The following MSH5 variants were observed in gnomAD, a reference collection of about 807,000 sequenced individuals.
MSH5 encodes the protein mutS protein homolog 5.
Under a neutral mutation model 107.7 loss-of-function variants are expected in MSH5, and 78 were observed. That is an observed-to-expected ratio of 0.72 (90% confidence interval 0.60 to 0.87). The LOEUF (loss-of-function observed/expected upper bound fraction) is 0.87, where lower values mean the gene tolerates loss of function less well. MSH5 is among the 40% of genes least tolerant of loss of function. The pLI is 0.00. For missense variants in MSH5, 889 were observed against 1,046.6 expected (o/e 0.85, Z 2.08); for synonymous variants, 326 against 399.5 (o/e 0.82, Z 2.19).
At position 31,742,939 on chromosome 6, in the gene MSH5, C is replaced by T. The variant is rs1025328818; in HGVS notation, c.334C>T (p.Arg112Ter). 29 of 1,612,840 alleles carry T rather than the reference C, an allele frequency of 1.8e-5. No individual in the cohort carries two copies. Among genetic ancestry groups the T allele is most frequent in the Non-Finnish European group, 2.3e-5 (27 of 1,179,998 alleles). The part of the protein sequence containing the change: ...TSAKQDENMT[R>*]FLGKLASQEH... Reference sequence around the variant, plus strand: ...TGCCAAACAGGATGAGAATATGACTCGATTTCTGGGAAAGCTTGGTAAGGA... The same window carrying T: ...TGCCAAACAGGATGAGAATATGACTTGATTTCTGGGAAAGCTTGGTAAGGA... The change falls in exon 4 of 25, where the codon CGA becomes TGA. Residue 112 changes from arginine to a stop codon, truncating the protein, a stop_gained. Coordinates refer to ENST00000375750, the MANE Select transcript of MSH5 (RefSeq NM_172166.4). LOFTEE classifies it high-confidence loss of function.
rs942940681 is a variant in MSH5, at chr6:31,741,292, G to C, written c.271+6G>C. On this transcript the variant is annotated splice_donor_region_variant and intron_variant, in intron 3 of 24. Coordinates refer to ENST00000375750, the MANE Select transcript of MSH5 (RefSeq NM_172166.4). ...CCTCAAGCTTCTCCAGAGAGGTGGGGATGGAACCATGAATTCCTCTGCTCT... is the reference window on the plus strand; with the variant it reads ...CCTCAAGCTTCTCCAGAGAGGTGGGCATGGAACCATGAATTCCTCTGCTCT... 2.9e-5 allele frequency: 46 copies of C among 1,611,484 alleles called. No individual in the cohort carries two copies. Among genetic ancestry groups the C allele is most frequent in the Non-Finnish European group, 3.0e-5 (35 of 1,179,426 alleles).
chr6:31,759,452 C>T lies in MSH5; in HGVS notation c.1435C>T (p.Arg479Cys), dbSNP rs777634800. Residue 479 changes from arginine (R) to cysteine (C), a missense_variant, in exon 17 of 25, where the codon CGT becomes TGT. Physicochemically the swap from Arg to Cys is radical, Grantham distance 180. Coordinates refer to ENST00000375750, the MANE Select transcript of MSH5 (RefSeq NM_172166.4). This position sits in a 1 kb window ranked among gnomAD's most constrained non-coding sequence, Gnocchi z 4.7. ...MFLSEEKLHY[R>C]SARTKELDAL... The stretch of plus-strand genomic sequence containing the variant: ...TCTCTCAGAGGAGAAGCTGCACTAT[C>T]GTAGTGCCCGAACCAAGGAGCTGGA... 1 of 1,612,698 alleles carries T rather than the reference C, an allele frequency of 6.2e-7. No individual in the cohort carries two copies. The highest frequency in any genetic ancestry group is 8.5e-7 in the Non-Finnish European group (1 of 1,180,004).
At chr6:31,755,192 C>T (rs879916062) in intron 12 of MSH5, among the ~76,000 whole-genome samples, 2 of 151,872 alleles carry the variant, frequency 1.3e-5, no homozygotes, top group Non-Finnish European at 2.9e-5. Context: ...CACTCTGTCA[C>T]CCAGGCTTGA....
chr6:31,751,629 C>T (rs1456885001), intron 10 of MSH5: 1 of 146,656 alleles, frequency 6.8e-6, no homozygotes, highest in Non-Finnish European at 1.5e-5. Context: ...GAGCAAGACT[C>T]TGTCTCAGAA....
Position 31,758,172 on chromosome 6 carries a change from A to G in MSH5, c.1022A>G (p.Tyr341Cys). The change falls in exon 13 of 25, where the codon TAC becomes TGC. Residue 341 changes from tyrosine (Y) to cysteine (C), a missense_variant. By Grantham distance (194) the Tyr-to-Cys change is radical. This residue lies in a region of MSH5 where 518 missense variants were observed against 565.0 expected (regional missense o/e 0.92). Transcript: ENST00000375750. The surrounding 1 kb of genome is among the most constrained non-coding windows in gnomAD (Gnocchi z 5.1). ...SDWQVLYKTV[Y>C]SALGLRDACR... The stretch of plus-strand genomic sequence containing the variant: ...TTTGTGTTTCTCTCACAGACTGTGT[A>G]CAGTGCCCTGGGCCTGAGGGATGCC... 1 of 1,612,984 alleles carries G rather than the reference A, an allele frequency of 6.2e-7. No homozygotes were observed. The highest frequency in any genetic ancestry group is 8.5e-7 in the Non-Finnish European group (1 of 1,180,026).
Position 31,743,962 on chromosome 6 carries a change from C to T in MSH5, c.474C>T (p.Ala158=), listed in dbSNP as rs747523953. 6.8e-6 allele frequency: 11 copies of T among 1,613,882 alleles called. No individual in the cohort carries two copies. In the South Asian group the frequency reaches 1.2e-4, roughly 18 times the overall value. ...LSGNYSFIPD[A]MTATEKILFL... Reference sequence around the variant, plus strand: ...GAAACTACTCCTTCATCCCAGACGCCATGACTGCCACTGAGAAAATCCTCT... The same window carrying T: ...GAAACTACTCCTTCATCCCAGACGCTATGACTGCCACTGAGAAAATCCTCT... The change falls in exon 6 of 25, where the codon GCC becomes GCT. Residue 158 remains alanine, a synonymous_variant. Coordinates refer to ENST00000375750, the MANE Select transcript of MSH5 (RefSeq NM_172166.4).
chr6:31,757,868 C>A lies in MSH5; in HGVS notation c.1015-297C>A, dbSNP rs956342185. ...TATTTTGAGTAGAGACAGGGTTTCA[C>A]CATGTTGGTGAGGCTGATCTCGAAC... On this transcript the variant is annotated intron_variant, in intron 12 of 24. Transcript: ENST00000375750. 7.2e-5 allele frequency: 34 copies of A among 471,182 alleles called. 1 individual carries two copies. In the South Asian group the frequency reaches 1.3e-3, roughly 18 times the overall value. The allele number at this position is 471,182 out of a possible 1,614,324, so 29.2% of individuals were successfully genotyped here.
chr6:31,759,142 G>A lies in MSH5; in HGVS notation c.1372G>A (p.Ala458Thr), dbSNP rs1384543060. 6.2e-7 allele frequency: 1 copy of A among 1,612,980 alleles called. No homozygotes were observed. Among genetic ancestry groups the A allele is most frequent in the African/African-American group, 1.3e-5 (1 of 75,020 alleles). ...SIPRLPSMVE[A>T]SDFEINGLDF... Reference sequence around the variant, plus strand: ...TCCCCGCCTGCCTTCCATGGTAGAGGCCAGTGACTTTGAGATTAATGGACT... The same window carrying A: ...TCCCCGCCTGCCTTCCATGGTAGAGACCAGTGACTTTGAGATTAATGGACT... Residue 458 changes from alanine (A) to threonine (T), a missense_variant, in exon 16 of 25, where the codon GCC becomes ACC. This residue lies in a region of MSH5 where 9 missense variants were observed against 25.4 expected (regional missense o/e 0.35). Coordinates refer to ENST00000375750, the MANE Select transcript of MSH5 (RefSeq NM_172166.4). The surrounding 1 kb of genome is among the most constrained non-coding windows in gnomAD (Gnocchi z 4.7).
intron 10 of MSH5, among the ~76,000 whole-genome samples, chr6:31,749,760 C>T (rs576517700): frequency 2.6e-5 from 4 of 152,192 alleles, no homozygotes; most frequent in Middle Eastern, 6.8e-3. Context: ...TACCTGTTAC[C>T]TCAGTGTCTG....
chr6:31,749,328 G>A (rs1809748534), intron 10 of MSH5, among the ~76,000 whole-genome samples: 2 of 152,090 alleles, frequency 1.3e-5, no homozygotes, highest in African/African-American at 4.8e-5. Flanking sequence ...GATGATTTGA[G>A]GTCAGGAGTT....
chr6:31,746,740 C>A (rs1562225787), intron 9 of MSH5, among the ~76,000 whole-genome samples: 1 of 152,076 alleles, frequency 6.6e-6, no homozygotes, highest in Non-Finnish European at 1.5e-5. Flanking sequence ...CATGAGCCAC[C>A]CTGCCCGGCC....
intron 12 of MSH5, among the ~76,000 whole-genome samples, chr6:31,755,869 T>TAAA (rs1379376886): frequency 6.6e-6 from 1 of 152,144 alleles, no homozygotes; most frequent in African/African-American, 2.4e-5. Context: ...TCTTTCTTTT[T>TAAA]CTCTTTTTCT....
chr6:31,754,753 CTTTTT>C (rs71552080), intron 12 of MSH5, among the ~76,000 whole-genome samples: 1 of 135,360 alleles, frequency 7.4e-6, no homozygotes, highest in Non-Finnish European at 1.6e-5. Flanking sequence ...TTTCTTTTTT[CTTTTT>C]TTTTTTTTTT....
At chr6:31,754,866 C>T (rs1265204988) in intron 12 of MSH5, among the ~76,000 whole-genome samples, 2 of 151,640 alleles carry the variant, frequency 1.3e-5, no homozygotes, top group African/African-American at 4.8e-5. Flanking sequence ...ATTCTCCTGC[C>T]TCAGCCTCCC....
chr6:31,761,958 G>A lies in MSH5; in HGVS notation c.2319+3G>A. 1 of 1,613,756 alleles carries A rather than the reference G, an allele frequency of 6.2e-7. No homozygotes were observed. The highest frequency in any genetic ancestry group is 8.5e-7 in the Non-Finnish European group (1 of 1,179,968). ...AGCTTGTGGCTCGTGGCAAGGAGGT[G>A]ATGAGATCCAAATGTGCAACCACCT... On this transcript the variant is annotated splice_donor_region_variant and intron_variant, in intron 23 of 24. Transcript: ENST00000375750. This position sits in a 1 kb window ranked among gnomAD's most constrained non-coding sequence, Gnocchi z 5.3.
chr6:31,753,487 T>C, intron 11 of MSH5, 48 bp downstream of exon 11: 1 of 1,612,788 alleles, frequency 6.2e-7, no homozygotes, highest in Non-Finnish European at 8.5e-7. Flanking sequence ...GGTTGAGGGC[T>C]GATACTGGGC....
At chr6:31,743,760 G>T in intron 5 of MSH5, 144 bp from the exon 6 acceptor site, 7 of 1,098,704 alleles carry the variant, frequency 6.4e-6, no homozygotes, top group Non-Finnish European at 9.1e-6. Flanking sequence ...CTGAAAATTT[G>T]GTTCTTGCTC....
rs1808872774 is a variant in MSH5 at position 31,741,365 on chromosome 6, AC to A, written c.271+80del. The A allele has an allele frequency of 3.4e-4, 474 of 1,379,710 alleles. No homozygotes were observed. In the East Asian group the frequency reaches 0.011, roughly 33 times the overall value. 85.5% of individuals were successfully genotyped at this position (1,379,710 alleles called of 1,614,324 possible). A position where few individuals can be genotyped will look rare whatever the true frequency, so the allele number is the denominator to read the frequency against. On this transcript the variant is annotated intron_variant, in intron 3 of 24. Transcript: ENST00000375750. ...CACACACACACACACACACACACACACACACACACACACACACATATTTTTT... is the reference window on the plus strand; with the variant it reads ...CACACACACACACACACACACACACAACACACACACACACACATATTTTTT...
In MSH5 at chr6:31,758,494, T is replaced by A. The variant is rs1562244187; in HGVS notation, c.1144-54T>A. The A allele has an allele frequency of 1.2e-6, 2 of 1,603,050 alleles. No homozygotes were observed. The highest frequency in any genetic ancestry group is 1.7e-6 in the Non-Finnish European group (2 of 1,171,240). On this transcript the variant is annotated intron_variant, in intron 13 of 24. Coordinates refer to ENST00000375750, the MANE Select transcript of MSH5 (RefSeq NM_172166.4). This position sits in a 1 kb window ranked among gnomAD's most constrained non-coding sequence, Gnocchi z 5.1. Reference sequence around the variant, plus strand: ...GGGAGAATTGGGGCCCAAGGAGAGCTGAGGAACAGGACAGAGGGTGCCAGG... The same window carrying A: ...GGGAGAATTGGGGCCCAAGGAGAGCAGAGGAACAGGACAGAGGGTGCCAGG...
Sources: allele counts gnomAD v4.1 joint callset (sites outside exome capture counted in the v4.1 genomes callset), GRCh38; gene constraint gnomAD v4.1.1; regional missense constraint gnomAD v4.1.1; non-coding constraint Gnocchi (gnomAD v3.1); transcripts MANE v1.5; gene names NCBI Gene and HGNC (gene_info 2026-07-23, HGNC 2026-07-21).